Variants in XPO4 observed in about 807,000 individuals in gnomAD.
The protein encoded by XPO4 is exportin-4.
XPO4 carries 39 observed loss-of-function variants against 143.0 expected under a neutral mutation model. That is an observed-to-expected ratio of 0.27 (90% CI 0.21 to 0.36). The LOEUF (loss-of-function observed/expected upper bound fraction) is 0.36, where lower values mean the gene tolerates loss of function less well. Among genes scored for constraint, XPO4 ranks in the 10% least tolerant of loss-of-function variants. The pLI, the probability that XPO4 is intolerant of heterozygous loss-of-function variation, is 1.00. For missense variants in XPO4, 907 were observed against 1,348.0 expected, an observed-to-expected ratio of 0.67 and a Z score of 5.12; for synonymous variants, 439 against 474.0, an observed-to-expected ratio of 0.93 and a Z score of 0.96.
intron 1 of XPO4, among the ~76,000 whole-genome samples, chr13:20,899,178 C>G (rs1277838740): frequency 6.6e-6 from 1 of 151,998 alleles, no homozygotes; most frequent in Admixed American, 6.6e-5. Flanking sequence ...TGGAACTAAC[C>G]TCTCATGGAC....
chr13:20,840,034 A>G (rs74896492), intron 6 of XPO4, among the ~76,000 whole-genome samples: 1 of 152,060 alleles, frequency 6.6e-6, no homozygotes, highest in Non-Finnish European at 1.5e-5. Context: ...AAATATAGAT[A>G]CAAAAAAGAA....
intron 9 of XPO4, among the ~76,000 whole-genome samples, chr13:20,820,591 T>C (rs940060912): frequency 2.0e-5 from 3 of 152,180 alleles, no homozygotes; most frequent in African/African-American, 7.2e-5. Flanking sequence ...ATACTTAAAA[T>C]TACCCTGGAT....
At chr13:20,826,408 C>G (rs531172916) in intron 7 of XPO4, among the ~76,000 whole-genome samples, 83 of 152,278 alleles carry the variant, frequency 5.5e-4, no homozygotes, top group African/African-American at 1.8e-3. Flanking sequence ...TTTTTAAAAG[C>G]CTGTCAGGTT....
intron 9 of XPO4, among the ~76,000 whole-genome samples, chr13:20,814,192 C>CAAAAAAAAAA (rs35203359): frequency 1.0e-5 from 1 of 97,958 alleles, no homozygotes; most frequent in Non-Finnish European, 2.2e-5. Context: ...ACCCAGTCTC[C>CAAAAAAAAAA]AAAAAAAAAA....
At chr13:20,785,471 G>C (rs538169232) in intron 22 of XPO4, among the ~76,000 whole-genome samples, 3 of 151,770 alleles carry the variant, frequency 2.0e-5, no homozygotes, top group African/African-American at 7.3e-5. Context: ...TCAGGAGTTC[G>C]ATACAAGCCT....
At chr13:20,794,429 A>T (rs1010306549) in intron 18 of XPO4, among the ~76,000 whole-genome samples, 23 of 152,204 alleles carry the variant, frequency 1.5e-4, no homozygotes, top group African/African-American at 5.5e-4. Flanking sequence ...AATCATCTAA[A>T]CATATACATG....
chr13:20,807,347 T>A (rs981408888), intron 13 of XPO4, 110 bp downstream of exon 13: 33 of 1,114,512 alleles, frequency 3.0e-5, no homozygotes, highest in Non-Finnish European at 4.0e-5. Flanking sequence ...TTCATTTTTT[T>A]CATGTATCAG....
chr13:20,835,255 G>A (rs376239765), intron 6 of XPO4, among the ~76,000 whole-genome samples: 4 of 152,268 alleles, frequency 2.6e-5, no homozygotes, highest in African/African-American at 9.6e-5. Context: ...AGAGAGGACA[G>A]AAGAAAATAC....
chr13:20,860,869 C>G (rs895106072), intron 3 of XPO4, among the ~76,000 whole-genome samples: 5 of 152,016 alleles, frequency 3.3e-5, no homozygotes, highest in African/African-American at 4.8e-5. Context: ...ACACATTATC[C>G]ACTAAACCTG....
At chr13:20,880,668 A>G (rs906710802) in intron 1 of XPO4, among the ~76,000 whole-genome samples, 1 of 152,106 alleles carries the variant, frequency 6.6e-6, no homozygotes, top group Non-Finnish European at 1.5e-5. Context: ...ATAAAAAGGA[A>G]TGAAGCGGTA....
chr13:20,811,658 G>A (rs887538660), intron 9 of XPO4, among the ~76,000 whole-genome samples: 2 of 152,260 alleles, frequency 1.3e-5, no homozygotes, highest in African/African-American at 4.8e-5. Flanking sequence ...GACCAGGGGA[G>A]AGATGATGCC....
intron 1 of XPO4, among the ~76,000 whole-genome samples, chr13:20,898,252 A>T (rs2060587581): frequency 1.3e-5 from 2 of 152,150 alleles, no homozygotes; most frequent in Non-Finnish European, 2.9e-5. Flanking sequence ...ACACTCACTA[A>T]ATCCATCCTG....
intron 9 of XPO4, among the ~76,000 whole-genome samples, chr13:20,815,638 T>G (rs1352976193): frequency 6.6e-6 from 1 of 152,216 alleles, no homozygotes; most frequent in African/African-American, 2.4e-5. Flanking sequence ...CTTTTTCTGT[T>G]GATCATCAAG....
chr13:20,801,628 AT>A (rs2059433896), intron 13 of XPO4, among the ~76,000 whole-genome samples: 1 of 152,222 alleles, frequency 6.6e-6, no homozygotes, highest in African/African-American at 2.4e-5. Context: ...ATAGCGTGAC[AT>A]GCAGACAAAC....
At chr13:20,809,711 G>A in intron 10 of XPO4, 80 bp downstream of exon 10, 1 of 1,416,012 alleles carries the variant, frequency 7.1e-7, no homozygotes. Context: ...CTAAATTTCT[G>A]GCATTATATA....
intron 3 of XPO4, among the ~76,000 whole-genome samples, chr13:20,858,399 GA>G (rs1361407443): frequency 6.6e-6 from 1 of 152,140 alleles, no homozygotes; most frequent in Non-Finnish European, 1.5e-5. Context: ...AAAGTATCAT[GA>G]TGTCTGTGGC....
chr13:20,828,287 T>C (rs1430058494), intron 6 of XPO4, among the ~76,000 whole-genome samples: 3 of 152,160 alleles, frequency 2.0e-5, no homozygotes, highest in Non-Finnish European at 4.4e-5. Flanking sequence ...CTTCCATTGG[T>C]AATCAATTGC....
chr13:20,866,124 G>T (rs1289542754), intron 2 of XPO4: 2 of 983,932 alleles, frequency 2.0e-6, no homozygotes, highest in Non-Finnish European at 2.4e-6. Flanking sequence ...TTTTTTAAAG[G>T]AACATTTGAT....
chr13:20,855,683 A>G lies in XPO4; in HGVS notation c.400T>C (p.Cys134Arg), dbSNP rs371368088. ...CTGACTTCATGAAAAATGCTTTTGCAGTCAATTGATTTATCTAATGATCCT... is the reference window on the plus strand; with the variant it reads ...CTGACTTCATGAAAAATGCTTTTGCGGTCAATTGATTTATCTAATGATCCT... ...KRGSLDKSID[C>R]KSIFHEVSQL... Residue 134 changes from cysteine to arginine, a missense_variant, in exon 4 of 23, where the codon TGC (cysteine) becomes CGC (arginine). Cys to Arg is a radical substitution (Grantham distance 180). Coordinates refer to ENST00000255305, the MANE Select transcript of XPO4 (RefSeq NM_022459.5). 199 of 1,612,660 alleles carry G rather than the reference A, an allele frequency of 1.2e-4. No homozygotes were observed. The highest frequency in any genetic ancestry group is 1.6e-4 in the Non-Finnish European group (194 of 1,179,760).
Sources: gnomAD v4.1 joint callset for allele counts (sites outside exome capture counted in the v4.1 genomes callset) on GRCh38, gnomAD v4.1.1 for gene constraint, MANE v1.5 for transcripts, NCBI Gene and HGNC (gene_info 2026-07-23, HGNC 2026-07-21) for gene names.